MAML2: variants seen among roughly 807,000 people sequenced by gnomAD.
MAML2 encodes the protein mastermind like transcriptional coactivator 2.
In MAML2, 22 loss-of-function variants were observed where a neutral mutation model predicts 96.1. The ratio of observed to expected loss-of-function variants is 0.23; its 90% CI spans 0.16 to 0.33. The LOEUF (loss-of-function observed/expected upper bound fraction) is 0.33. Among genes scored for constraint, MAML2 ranks in the 10% least tolerant of loss-of-function variants. MAML2 has a pLI of 1.00. For missense variants in MAML2, 1,367 were observed against 1,392.4 expected, an observed-to-expected ratio of 0.98 and a Z score of 0.29; for synonymous variants, 561 against 521.3, an observed-to-expected ratio of 1.08 and a Z score of -1.04.
At chr11:96,086,758 A>T (rs1218221542) in intron 2 of MAML2, among the ~76,000 whole-genome samples, 1 of 152,208 alleles carries the variant, frequency 6.6e-6, no homozygotes, top group African/African-American at 2.4e-5. Flanking sequence ...TAGAGCTAAG[A>T]ATGGAGCAAT....
At chr11:96,008,000 C>T (rs1400656606) in intron 2 of MAML2, among the ~76,000 whole-genome samples, 1 of 141,392 alleles carries the variant, frequency 7.1e-6, no homozygotes, top group Non-Finnish European at 1.5e-5. Flanking sequence ...ACAATGTGCA[C>T]ATGTACCCTA....
chr11:96,062,022 GA>G (rs1486434236), intron 2 of MAML2, among the ~76,000 whole-genome samples: 6 of 151,964 alleles, frequency 3.9e-5, no homozygotes, highest in African/African-American at 1.4e-4. Context: ...ATTATTTATA[GA>G]AAAAAGTGCA....
At chr11:96,000,387 G>T (rs943835387) in intron 2 of MAML2, among the ~76,000 whole-genome samples, 1 of 152,116 alleles carries the variant, frequency 6.6e-6, no homozygotes, top group Non-Finnish European at 1.5e-5. Context: ...TATGCCTGTG[G>T]CTGCTTTCCC....
rs181147149 is a variant in MAML2 at position 96,332,712 on chromosome 11, G to C, written c.513+8671C>G. The stretch of plus-strand genomic sequence containing the variant: ...GCAATCAAATGCGCAAGACTTAGCC[G>C]GTTTAGCAAGTATCAGAAACTTAGG... On this transcript the variant is annotated intron_variant, in intron 1 of 4. Transcript: ENST00000524717. Among the ~76,000 whole-genome samples the C allele has an allele frequency of 1.4e-3, 214 of 152,274 alleles. 1 individual carries two copies. The highest frequency in any genetic ancestry group is 5.1e-3 in the African/African-American group (211 of 41,542).
At chr11:96,143,502 G>A (rs544552) in intron 1 of MAML2, among the ~76,000 whole-genome samples, 57,097 of 151,896 alleles carry the variant, frequency 0.38, 11,714 homozygotes, top group East Asian at 0.83. Context: ...AGGGATTTCC[G>A]ATTTCCATAA....
chr11:96,321,551 T>G (rs1863700463), intron 1 of MAML2, among the ~76,000 whole-genome samples: 1 of 152,244 alleles, frequency 6.6e-6, no homozygotes, highest in Admixed American at 6.5e-5. Context: ...CATCAGTGCA[T>G]GTACAAGCTG....
In MAML2 at chr11:96,092,989, T is replaced by G; in HGVS notation, c.1042A>C (p.Ser348Arg). The G allele has an allele frequency of 1.2e-6, 2 of 1,613,994 alleles. No individual in the cohort carries two copies. The highest frequency in any genetic ancestry group is 1.7e-6 in the Non-Finnish European group (2 of 1,179,862). The change falls in exon 2 of 5, where the codon AGC (serine) becomes CGC (arginine). Residue 348 changes from serine (S) to arginine (R), a missense_variant. Physicochemically the swap from Ser to Arg is moderately radical, Grantham distance 110. Coordinates refer to ENST00000524717, the MANE Select transcript of MAML2 (RefSeq NM_032427.4). The surrounding 1 kb of genome is among the most constrained non-coding windows in gnomAD (Gnocchi z 4.1). ...GAGGGCCTAGGTGTGCTCCTCTGGC[T>G]TTGCTGACCCAAGTCAATGTTAAAT... ...DPFNIDLGQQ[S>R]QRSTPRPSLP...
At chr11:96,110,172 G>C (rs1190869836) in intron 1 of MAML2, among the ~76,000 whole-genome samples, 1 of 152,144 alleles carries the variant, frequency 6.6e-6, no homozygotes, top group Non-Finnish European at 1.5e-5. Context: ...GCAATGTTTT[G>C]AGGAGTGGAT....
At chr11:96,003,217 G>A (rs553658815) in intron 2 of MAML2, among the ~76,000 whole-genome samples, 2 of 152,162 alleles carry the variant, frequency 1.3e-5, no homozygotes, top group East Asian at 3.9e-4. Context: ...GGATGATGAG[G>A]AAGATGATGT....
At chr11:96,143,711 A>C (rs899118014) in intron 1 of MAML2, among the ~76,000 whole-genome samples, 1 of 152,176 alleles carries the variant, frequency 6.6e-6, no homozygotes, top group Non-Finnish European at 1.5e-5. Flanking sequence ...AGACTCCAAG[A>C]ATGATAATAG....
intron 1 of MAML2, among the ~76,000 whole-genome samples, chr11:96,132,249 A>T (rs1353876300): frequency 6.6e-6 from 1 of 152,216 alleles, no homozygotes; most frequent in Non-Finnish European, 1.5e-5. Flanking sequence ...TTGTTGCAGT[A>T]CCTTTTACCC....
chr11:96,164,850 G>C (rs990488885), intron 1 of MAML2, among the ~76,000 whole-genome samples: 1 of 152,128 alleles, frequency 6.6e-6, no homozygotes, highest in East Asian at 1.9e-4. Flanking sequence ...CCTCCCAACA[G>C]GACTGATTAG....
chr11:95,989,789 T>G (rs1249116916), intron 3 of MAML2, among the ~76,000 whole-genome samples: 1 of 152,236 alleles, frequency 6.6e-6, no homozygotes, highest in Non-Finnish European at 1.5e-5. Context: ...GTAATCTTAT[T>G]TCTCAATATT....
At chr11:96,325,579 C>T (rs1028675107) in intron 1 of MAML2, among the ~76,000 whole-genome samples, 9 of 152,080 alleles carry the variant, frequency 5.9e-5, no homozygotes, top group African/African-American at 1.2e-4. Flanking sequence ...ATTACAAATG[C>T]GAGTTATCTT....
intron 1 of MAML2, among the ~76,000 whole-genome samples, chr11:96,226,501 A>T (rs1368470002): frequency 6.6e-6 from 1 of 152,210 alleles, no homozygotes; most frequent in East Asian, 1.9e-4. Context: ...AATTAATTCT[A>T]ATCTGTTCCC....
chr11:96,233,744 A>G (rs1001923358), intron 1 of MAML2, among the ~76,000 whole-genome samples: 1 of 152,208 alleles, frequency 6.6e-6, no homozygotes, highest in Non-Finnish European at 1.5e-5. Flanking sequence ...ATGGGAGATG[A>G]AGGAAATAGA....
rs111788853 is a variant in MAML2 at position 96,200,093 on chromosome 11, A to T, written c.514-106576T>A. ...GAAATAAAAGTGTGACTACTTTAGT[A>T]TCAGAGGAATTTAGTTATATTATTA... On this transcript the variant is annotated intron_variant, in intron 1 of 4. Coordinates refer to ENST00000524717, the MANE Select transcript of MAML2 (RefSeq NM_032427.4). 7.4e-3 allele frequency among the ~76,000 whole-genome samples: 1,131 copies of T among 152,350 alleles called. 16 individuals carry two copies. Among genetic ancestry groups the T allele is most frequent in the African/African-American group, 0.023 (945 of 41,572 alleles).
chr11:96,026,152 T>C (rs935525933), intron 2 of MAML2, among the ~76,000 whole-genome samples: 9 of 152,212 alleles, frequency 5.9e-5, no homozygotes, highest in Non-Finnish European at 4.4e-5. Context: ...AACCACCATC[T>C]GGACTGCACT....
Position 96,186,457 on chromosome 11 carries a change from T to C in MAML2, c.514-92940A>G, listed in dbSNP as rs1310089882. 3.3e-5 allele frequency among the ~76,000 whole-genome samples: 5 copies of C among 152,236 alleles called. 1 individual carries two copies. The East Asian group carries it at 7.7e-4, about 24-fold the overall frequency. ...ATACAAAATTAGCCAAGCGTGGTGG[T>C]GCATGCCTATAATCCCAGCTACTCA... On this transcript the variant is annotated intron_variant, in intron 1 of 4. Coordinates refer to ENST00000524717, the MANE Select transcript of MAML2 (RefSeq NM_032427.4).
Sources: gnomAD v4.1 joint callset for allele counts (sites outside exome capture counted in the v4.1 genomes callset) on GRCh38, gnomAD v4.1.1 for gene constraint, Gnocchi (gnomAD v3.1) non-coding constraint, MANE v1.5 for transcripts, NCBI Gene and HGNC (gene_info 2026-07-23, HGNC 2026-07-21) for gene names.